ANKS1B: variants seen among roughly 807,000 people sequenced by gnomAD.
ANKS1B encodes ankyrin repeat and sterile alpha motif domain-containing protein 1B.
Under a neutral mutation model 148.3 loss-of-function variants are expected in ANKS1B, and 36 were observed. The observed-to-expected ratio is 0.24, with a 90% CI of 0.19 to 0.32. The LOEUF (loss-of-function observed/expected upper bound fraction) is 0.32. ANKS1B is among the 10% of genes least tolerant of loss of function. The pLI is 1.00. For synonymous variants in ANKS1B, 542 were observed against 560.8 expected, an observed-to-expected ratio of 0.97 and a Z score of 0.47; for missense variants, 1,157 against 1,542.6, an observed-to-expected ratio of 0.75 and a Z score of 4.19.
intron 8 of ANKS1B, among the ~76,000 whole-genome samples, chr12:99,658,494 C>A (rs756729544): frequency 2.8e-4 from 43 of 152,032 alleles, no homozygotes; most frequent in Non-Finnish European, 5.0e-4. Flanking sequence ...ATATCATGTT[C>A]TTCTGCTTGT....
At chr12:99,714,852 G>GTTC (rs2153541686) in intron 8 of ANKS1B, among the ~76,000 whole-genome samples, 1 of 151,916 alleles carries the variant, frequency 6.6e-6, no homozygotes, top group East Asian at 1.9e-4. Flanking sequence ...CAGTGCAGTG[G>GTTC]TTCTACCTGT....
chr12:99,428,350 C>A (rs1012165850), intron 11 of ANKS1B, among the ~76,000 whole-genome samples: 1 of 152,102 alleles, frequency 6.6e-6, no homozygotes, highest in African/African-American at 2.4e-5. Flanking sequence ...CCATGTGGAG[C>A]TTTACTGGCA....
intron 14 of ANKS1B, among the ~76,000 whole-genome samples, chr12:99,226,935 T>C (rs575644956): frequency 1.3e-5 from 2 of 152,270 alleles, no homozygotes; most frequent in East Asian, 3.9e-4. Context: ...AGAGGTAAAA[T>C]TGAGTGACAG....
chr12:99,538,028 G>T (rs2097090310), intron 9 of ANKS1B, among the ~76,000 whole-genome samples: 1 of 152,026 alleles, frequency 6.6e-6, no homozygotes, highest in South Asian at 2.1e-4. Flanking sequence ...TTTCCCCAGT[G>T]TATGTTCTTG....
At chr12:99,898,727 C>A (rs911996065) in intron 1 of ANKS1B, among the ~76,000 whole-genome samples, 3 of 152,074 alleles carry the variant, frequency 2.0e-5, no homozygotes, top group Non-Finnish European at 4.4e-5. Flanking sequence ...TCCGCTTTAG[C>A]CCCGACTTTG....
chr12:99,516,044 T>C (rs536640388), intron 9 of ANKS1B, among the ~76,000 whole-genome samples: 3 of 152,258 alleles, frequency 2.0e-5, no homozygotes, highest in Non-Finnish European at 2.9e-5. Context: ...TTTGGACTGC[T>C]TTTATATTCT....
intron 9 of ANKS1B, among the ~76,000 whole-genome samples, chr12:99,542,956 T>A (rs549108006): frequency 2.3e-4 from 35 of 152,120 alleles, no homozygotes; most frequent in African/African-American, 7.7e-4. Context: ...AACACCAAAA[T>A]AACAAGTAAC....
chr12:99,649,198 G>C, intron 9 of ANKS1B: 1 of 992,356 alleles, frequency 1.0e-6, no homozygotes, highest in East Asian at 2.4e-5. Flanking sequence ...TTGTGTACTT[G>C]TGCAATAATT....
At chr12:99,145,520 G>A (rs1395046992) in intron 15 of ANKS1B, among the ~76,000 whole-genome samples, 1 of 152,022 alleles carries the variant, frequency 6.6e-6, no homozygotes, top group Non-Finnish European at 1.5e-5. Context: ...AGGTAGGAGG[G>A]AAACTGTAAA....
chr12:99,397,635 C>G (rs933896953), intron 12 of ANKS1B, among the ~76,000 whole-genome samples: 1 of 152,050 alleles, frequency 6.6e-6, no homozygotes, highest in African/African-American at 2.4e-5. Flanking sequence ...TCATTATGGG[C>G]TGTTATTTAG....
chr12:99,397,617 C>T (rs2094289050), intron 12 of ANKS1B, among the ~76,000 whole-genome samples: 1 of 151,964 alleles, frequency 6.6e-6, no homozygotes, highest in Non-Finnish European at 1.5e-5. Context: ...GAACTTTTTC[C>T]AGCTTTGTCA....
Position 98,744,611 on chromosome 12 carries a change from T to G in ANKS1B, c.*1128A>C, listed in dbSNP as rs749255757. On this transcript the variant is annotated 3_prime_UTR_variant, in exon 27 of 27. Transcript: ENST00000683438. ...TAAAGAAATGTAAGTAAATTTTATT[T>G]AATCAAATAGTAAGCAAACTTTTTT... The G allele has an allele frequency of 2.0e-4, 156 of 765,298 alleles. No individual in the cohort carries two copies. The highest frequency in any genetic ancestry group is 2.4e-4 in the Non-Finnish European group (151 of 629,344). 47.4% of individuals were successfully genotyped at this position (765,298 alleles called of 1,614,324 possible). A position where few individuals can be genotyped will look rare whatever the true frequency, so the allele number is the denominator to read the frequency against.
chr12:99,443,958 ATTTTAAAGATAATGCTTTTTGAATGC>A, intron 10 of ANKS1B, 149 bp from the exon 11 acceptor site: 1 of 911,908 alleles, frequency 1.1e-6, no homozygotes, highest in Non-Finnish European at 1.6e-6. Context: ...TCAGTAGTAT[ATTTTAAAGATAATGCTTTTTGAATGC>A]TTTGTTTCCT....
chr12:99,762,260 G>C (rs1032874284), intron 8 of ANKS1B, among the ~76,000 whole-genome samples: 27 of 151,962 alleles, frequency 1.8e-4, no homozygotes, highest in African/African-American at 6.3e-4. Flanking sequence ...AAAGAATGAA[G>C]CCAGAGGCAT....
At chr12:99,375,312 T>C (rs1270459353) in intron 12 of ANKS1B, among the ~76,000 whole-genome samples, 1 of 152,186 alleles carries the variant, frequency 6.6e-6, no homozygotes, top group Non-Finnish European at 1.5e-5. Flanking sequence ...AGGGGTAAAA[T>C]CACCCCAAGT....
intron 9 of ANKS1B, among the ~76,000 whole-genome samples, chr12:99,509,260 A>G (rs1208335353): frequency 6.6e-6 from 1 of 151,848 alleles, no homozygotes; most frequent in Non-Finnish European, 1.5e-5. Flanking sequence ...GTTCAAATTC[A>G]AGAAGAGTCA....
chr12:98,787,189 C>G (rs1426872522), intron 22 of ANKS1B, among the ~76,000 whole-genome samples: 2 of 152,178 alleles, frequency 1.3e-5, no homozygotes, highest in Non-Finnish European at 2.9e-5. Context: ...GTGAAACTAG[C>G]TAGGTTGTGG....
At chr12:98,784,187 T>C (rs4762212) in intron 22 of ANKS1B, among the ~76,000 whole-genome samples, 52,906 of 151,994 alleles carry the variant, frequency 0.35, 10,127 homozygotes, top group Middle Eastern at 0.47. Context: ...CAGTAGGAAA[T>C]GAGAATCAGA....
chr12:99,726,696 T>C (rs2058654268), intron 8 of ANKS1B, among the ~76,000 whole-genome samples: 1 of 152,066 alleles, frequency 6.6e-6, no homozygotes, highest in Non-Finnish European at 1.5e-5. Flanking sequence ...AAAAAGAAAA[T>C]TTCAGGCCAA....
Sources: allele counts gnomAD v4.1 joint callset (sites outside exome capture counted in the v4.1 genomes callset), GRCh38; gene constraint gnomAD v4.1.1; transcripts MANE v1.5; gene names NCBI Gene and HGNC (gene_info 2026-07-23, HGNC 2026-07-21).